PPM1H: variants seen among roughly 807,000 people sequenced by gnomAD.
PPM1H encodes the protein protein phosphatase 1H.
In PPM1H, 27 loss-of-function variants were observed where a neutral mutation model predicts 54.9. The observed-to-expected ratio is 0.49, with a 90% CI of 0.36 to 0.68. The LOEUF (loss-of-function observed/expected upper bound fraction) is 0.68, where lower values mean the gene tolerates loss of function less well. PPM1H is among the 30% of genes least tolerant of loss of function. The pLI, the probability that PPM1H is intolerant of heterozygous loss-of-function variation, is 0.00. For missense variants in PPM1H, 596 were observed against 667.8 expected, an observed-to-expected ratio of 0.89 and a Z score of 1.19; for synonymous variants, 305 against 270.8, an observed-to-expected ratio of 1.13 and a Z score of -1.24.
intron 1 of PPM1H, among the ~76,000 whole-genome samples, chr12:62,862,447 T>C (rs1869636427): frequency 6.6e-6 from 1 of 152,256 alleles, no homozygotes; most frequent in African/African-American, 2.4e-5. Context: ...TGAGCATCTA[T>C]CGAGTCTTCA....
At chr12:62,849,805 T>C (rs1021490605) in intron 1 of PPM1H, among the ~76,000 whole-genome samples, 1 of 152,214 alleles carries the variant, frequency 6.6e-6, no homozygotes, top group African/African-American at 2.4e-5. Context: ...GCTTCCTTTT[T>C]ATGAATAAGT....
chr12:62,711,814 A>G (rs2076208762), intron 6 of PPM1H, among the ~76,000 whole-genome samples: 1 of 152,042 alleles, frequency 6.6e-6, no homozygotes, highest in African/African-American at 2.4e-5. Flanking sequence ...GTGATGATCA[A>G]TGGGGAGCGA....
intron 1 of PPM1H, among the ~76,000 whole-genome samples, chr12:62,860,582 G>A (rs1305174617): frequency 6.6e-6 from 1 of 152,112 alleles, no homozygotes; most frequent in Non-Finnish European, 1.5e-5. Context: ...TGAAGAAAAT[G>A]AACTGTAGAA....
intron 9 of PPM1H, among the ~76,000 whole-genome samples, chr12:62,663,334 T>C (rs576558454): frequency 6.7e-6 from 1 of 149,758 alleles, no homozygotes; most frequent in East Asian, 2.0e-4. Flanking sequence ...AATTCTCTTT[T>C]AAAAAAAAAA....
At chr12:62,697,219 C>A in intron 6 of PPM1H, among the ~76,000 whole-genome samples, 1 of 151,826 alleles carries the variant, frequency 6.6e-6, no homozygotes, top group Non-Finnish European at 1.5e-5. Flanking sequence ...TTCTGCCTCC[C>A]AGGTCCAAGC....
At chr12:62,797,503 A>G (rs2076741333) in intron 3 of PPM1H, among the ~76,000 whole-genome samples, 1 of 152,220 alleles carries the variant, frequency 6.6e-6, no homozygotes, top group Non-Finnish European at 1.5e-5. Context: ...CGGTGAAAAA[A>G]AAAGTTTAGG....
intron 1 of PPM1H, among the ~76,000 whole-genome samples, chr12:62,851,287 T>C (rs997566358): frequency 1.3e-5 from 2 of 151,768 alleles, no homozygotes; most frequent in African/African-American, 4.8e-5. Flanking sequence ...GACACAGGAG[T>C]ATGTTTGAAG....
intron 4 of PPM1H, among the ~76,000 whole-genome samples, chr12:62,762,795 A>C (rs1280741478): frequency 6.6e-6 from 1 of 152,170 alleles, no homozygotes; most frequent in Admixed American, 6.5e-5. Context: ...GGGATCTAGC[A>C]TGACAGAGGA....
In PPM1H at chr12:62,658,758, A is replaced by T. The variant is rs150589726; in HGVS notation, c.1397+8420T>A. On this transcript the variant is annotated intron_variant, in intron 9 of 9. Transcript: ENST00000228705. Reference sequence around the variant, plus strand: ...TAAAAGAACTGCCAGCTTCCCTACAATTCAGGGCAAACTGTGATAGAAAAG... The same window carrying T: ...TAAAAGAACTGCCAGCTTCCCTACATTTCAGGGCAAACTGTGATAGAAAAG... 297 of 399,098 alleles carry T rather than the reference A, an allele frequency of 7.4e-4. 1 individual carries two copies. Among genetic ancestry groups the T allele is most frequent in the Non-Finnish European group, 1.2e-3 (259 of 209,948 alleles). 24.7% of individuals were successfully genotyped at this position (399,098 alleles called of 1,614,324 possible). A position where few individuals can be genotyped will look rare whatever the true frequency, so the allele number is the denominator to read the frequency against.
At chr12:62,718,992 G>A (rs2076249810) in intron 6 of PPM1H, among the ~76,000 whole-genome samples, 1 of 152,296 alleles carries the variant, frequency 6.6e-6, no homozygotes, top group South Asian at 2.1e-4. Context: ...ACAAACAAAT[G>A]GGTGTAGCTA....
intron 1 of PPM1H, among the ~76,000 whole-genome samples, chr12:62,905,158 T>C (rs1871268541): frequency 6.6e-6 from 1 of 152,182 alleles, no homozygotes; most frequent in African/African-American, 2.4e-5. Context: ...TGAGACAGTA[T>C]TGGTAGAGAG....
chr12:62,863,659 G>A (rs1185371846), intron 1 of PPM1H, among the ~76,000 whole-genome samples: 2 of 152,148 alleles, frequency 1.3e-5, no homozygotes, highest in Admixed American at 1.3e-4. Context: ...TCTTACTATA[G>A]GCACTATAGG....
chr12:62,746,948 T>G (rs577279653), intron 4 of PPM1H, among the ~76,000 whole-genome samples: 1 of 152,254 alleles, frequency 6.6e-6, no homozygotes, highest in South Asian at 2.1e-4. Flanking sequence ...AACAAATTCT[T>G]TCTTTCCTTT....
At chr12:62,830,955 G>C (rs537628592) in intron 2 of PPM1H, among the ~76,000 whole-genome samples, 1 of 152,034 alleles carries the variant, frequency 6.6e-6, no homozygotes, top group African/African-American at 2.4e-5. Context: ...CTGGGTTCAC[G>C]CCATTCTCCT....
At chr12:62,689,648 C>T (rs185681290) in intron 8 of PPM1H, 51 bp downstream of exon 8, 14 of 1,428,116 alleles carry the variant, frequency 9.8e-6, no homozygotes, top group Admixed American at 7.4e-5. Flanking sequence ...GGAGGAATAA[C>T]GCCGAAAATG....
chr12:62,658,772 G>GTGAT (rs1380371502), intron 9 of PPM1H: 1 of 425,346 alleles, frequency 2.4e-6, no homozygotes, highest in Non-Finnish European at 4.4e-6. Flanking sequence ...AGGGCAAACT[G>GTGAT]TGATAGAAAA....
At chr12:62,856,922 C>T (rs1480073425) in intron 1 of PPM1H, among the ~76,000 whole-genome samples, 1 of 152,098 alleles carries the variant, frequency 6.6e-6, no homozygotes, top group Non-Finnish European at 1.5e-5. Flanking sequence ...CATTTTGTCA[C>T]AATAATCTAT....
intron 1 of PPM1H, among the ~76,000 whole-genome samples, chr12:62,879,629 G>A (rs899341068): frequency 1.3e-5 from 2 of 152,038 alleles, no homozygotes; most frequent in African/African-American, 4.8e-5. Flanking sequence ...GGAGGTTGGG[G>A]GAGGGATAGC....
chr12:62,843,689 ATAAT>A (rs1868843013), intron 1 of PPM1H, among the ~76,000 whole-genome samples: 1 of 152,226 alleles, frequency 6.6e-6, no homozygotes. Context: ...ATTAAAAGTG[ATAAT>A]TAATTTTCCC....
Sources: allele counts gnomAD v4.1 joint callset (sites outside exome capture counted in the v4.1 genomes callset), GRCh38; gene constraint gnomAD v4.1.1; transcripts MANE v1.5; gene names NCBI Gene and HGNC (gene_info 2026-07-23, HGNC 2026-07-21).